COL23A1: variants seen among roughly 807,000 people sequenced by gnomAD.
COL23A1 encodes the protein collagen alpha-1(XXIII) chain.
A neutral mutation model predicts 99.3 loss-of-function variants in COL23A1; 97 were observed. The observed-to-expected ratio is 0.98, with a 90% CI of 0.83 to 1.16. The LOEUF (loss-of-function observed/expected upper bound fraction) is 1.16. Among genes scored for constraint, COL23A1 ranks in the 50% most tolerant of loss-of-function variants. COL23A1 has a pLI of 0.00. For missense variants in COL23A1, 762 were observed against 757.4 expected (o/e 1.01, Z -0.07); for synonymous variants, 320 against 308.2 (o/e 1.04, Z -0.40).
Position 178,434,889 on chromosome 5 carries a change from C to A in COL23A1, c.361+125793G>T, listed in dbSNP as rs577208492. Among the ~76,000 whole-genome samples the A allele has an allele frequency of 2.0e-5, 3 of 152,348 alleles. No homozygotes were observed. Among genetic ancestry groups the A allele is most frequent in the East Asian group, 1.9e-4 (1 of 5,174 alleles). ...AGGAAGGCAGGCATCCACTTCTGAA[C>A]CCTCGGTCTCAGCCCTTGCAGGGCA... On this transcript the variant is annotated intron_variant, in intron 2 of 28. Coordinates refer to ENST00000390654, the MANE Select transcript of COL23A1 (RefSeq NM_173465.4). The surrounding 1 kb of genome is among the most constrained non-coding windows in gnomAD (Gnocchi z 4.3).
At chr5:178,460,837 A>G (rs891347527) in intron 2 of COL23A1, among the ~76,000 whole-genome samples, 3 of 152,216 alleles carry the variant, frequency 2.0e-5, no homozygotes, top group African/African-American at 7.2e-5. Flanking sequence ...AACAAGCCCC[A>G]GACCATGCTG....
intron 2 of COL23A1, among the ~76,000 whole-genome samples, chr5:178,339,044 A>G (rs1205663078): frequency 6.6e-6 from 1 of 152,136 alleles, no homozygotes; most frequent in Non-Finnish European, 1.5e-5. Flanking sequence ...CCTCCAGAGG[A>G]GTGCTCATGT....
At chr5:178,497,236 C>T (rs759652071) in intron 2 of COL23A1, among the ~76,000 whole-genome samples, 9 of 152,268 alleles carry the variant, frequency 5.9e-5, no homozygotes, top group Admixed American at 6.5e-5. Context: ...TGAGGAGCCA[C>T]GCGGTCCTAA....
At chr5:178,409,832 G>C (rs1279150413) in intron 2 of COL23A1, among the ~76,000 whole-genome samples, 1 of 152,126 alleles carries the variant, frequency 6.6e-6, no homozygotes, top group African/African-American at 2.4e-5. Context: ...GATAAAATTG[G>C]ATGCCTACCT....
intron 2 of COL23A1, among the ~76,000 whole-genome samples, chr5:178,403,958 C>G (rs73803030): frequency 9.8e-5 from 15 of 152,294 alleles, no homozygotes; most frequent in African/African-American, 3.6e-4. Context: ...AAAAGAATGA[C>G]GGATTTTTCT....
chr5:178,280,255 G>A lies in COL23A1; in HGVS notation c.441+8069C>T, dbSNP rs531881893. Among the ~76,000 whole-genome samples, 59 of 152,240 alleles carry A rather than the reference G, an allele frequency of 3.9e-4. No homozygotes were observed. Among genetic ancestry groups the A allele is most frequent in the South Asian group, 1.0e-3 (5 of 4,834 alleles). ...AGCCAGGACGCTGGCCATTGAGGAT[G>A]CAGGCCCAAAAGGGGCGCCTTCAGC... is the stretch of plus-strand genomic sequence containing the variant. On this transcript the variant is annotated intron_variant, in intron 5 of 28. Transcript: ENST00000390654. This position sits in a 1 kb window ranked among gnomAD's most constrained non-coding sequence, Gnocchi z 4.9.
intron 2 of COL23A1, among the ~76,000 whole-genome samples, chr5:178,316,771 G>A (rs2913779): frequency 0.66 from 100,235 of 151,778 alleles, 33,990 homozygotes; most frequent in Non-Finnish European, 0.72. Context: ...AGCCACATAC[G>A]CTCAAACAAA....
chr5:178,542,243 G>A (rs1671087636), intron 2 of COL23A1, among the ~76,000 whole-genome samples: 1 of 152,152 alleles, frequency 6.6e-6, no homozygotes, highest in Admixed American at 6.5e-5. Context: ...TATTAGAGAC[G>A]GGGTTTTGCC....
intron 2 of COL23A1, among the ~76,000 whole-genome samples, chr5:178,543,766 T>C (rs76496693): frequency 6.6e-6 from 1 of 152,320 alleles, no homozygotes; most frequent in East Asian, 1.9e-4. Context: ...ATTGCATGGC[T>C]TACAGATTTA....
intron 2 of COL23A1, among the ~76,000 whole-genome samples, chr5:178,396,962 G>A (rs1332747084): frequency 2.6e-5 from 4 of 152,368 alleles, no homozygotes; most frequent in Admixed American, 6.5e-5. Context: ...AAACGTCAAA[G>A]ATCTGGCACT....
intron 2 of COL23A1, among the ~76,000 whole-genome samples, chr5:178,552,294 CGAATGAAT>C (rs555727629): frequency 6.6e-6 from 1 of 152,050 alleles, no homozygotes; most frequent in East Asian, 1.9e-4. Flanking sequence ...GTAGGAGAGA[CGAATGAAT>C]GAATGAATGA....
intron 2 of COL23A1, among the ~76,000 whole-genome samples, chr5:178,346,502 C>T (rs1216785308): frequency 1.3e-5 from 2 of 152,196 alleles, no homozygotes; most frequent in African/African-American, 4.8e-5. Context: ...TCCCAAAGTG[C>T]TGGGATTACA....
At chr5:178,419,347 C>G (rs950011384) in intron 2 of COL23A1, among the ~76,000 whole-genome samples, 1 of 152,232 alleles carries the variant, frequency 6.6e-6, no homozygotes, top group Non-Finnish European at 1.5e-5. Flanking sequence ...ACAGGAACAG[C>G]AGAGCCAAGG....
chr5:178,350,938 G>C (rs942057610), intron 2 of COL23A1: 7 of 152,412 alleles, frequency 4.6e-5, no homozygotes, highest in African/African-American at 1.4e-4. Context: ...TCATGTCCCA[G>C]GCCGGAATCC....
At chr5:178,471,521 G>A (rs570878265) in intron 2 of COL23A1, among the ~76,000 whole-genome samples, 52 of 71,622 alleles carry the variant, frequency 7.3e-4, no homozygotes, top group Non-Finnish European at 1.3e-3. Context: ...TTACGGGTGT[G>A]AGCCACTGTG....
chr5:178,586,006 C>T (rs1225091629), intron 1 of COL23A1, among the ~76,000 whole-genome samples: 1 of 152,186 alleles, frequency 6.6e-6, no homozygotes, highest in African/African-American at 2.4e-5. Context: ...GAAGACCGCT[C>T]TCTTCCCTGC....
intron 2 of COL23A1, among the ~76,000 whole-genome samples, chr5:178,463,140 A>G (rs1287754341): frequency 6.6e-6 from 1 of 152,218 alleles, no homozygotes; most frequent in Non-Finnish European, 1.5e-5. Context: ...AGCAGCACGG[A>G]TGGGCTTTTT....
At chr5:178,502,324 G>T (rs920501740) in intron 2 of COL23A1, among the ~76,000 whole-genome samples, 1 of 152,136 alleles carries the variant, frequency 6.6e-6, no homozygotes, top group Admixed American at 6.5e-5. Context: ...GTAGAGACGG[G>T]GTTTCACCAT....
chr5:178,416,553 A>G (rs1179509150), intron 2 of COL23A1, among the ~76,000 whole-genome samples: 8 of 152,226 alleles, frequency 5.3e-5, no homozygotes, highest in Admixed American at 3.3e-4. Context: ...GGTGGCTTCC[A>G]CAGGTATTCA....
Sources: gnomAD v4.1 joint callset for allele counts (sites outside exome capture counted in the v4.1 genomes callset) on GRCh38, gnomAD v4.1.1 for gene constraint, Gnocchi (gnomAD v3.1) non-coding constraint, MANE v1.5 for transcripts, NCBI Gene and HGNC (gene_info 2026-07-23, HGNC 2026-07-21) for gene names.